CERKL: variants seen among roughly 807,000 people sequenced by gnomAD.
The protein encoded by CERKL is CERK like autophagy regulator.
CERKL carries 61 observed loss-of-function variants against 63.4 expected under a neutral mutation model. The observed-to-expected ratio is 0.96, with a 90% CI of 0.78 to 1.19. CERKL has a LOEUF of 1.19. Among genes scored for constraint, CERKL ranks in the 50% most tolerant of loss-of-function variants. CERKL has a pLI of 0.00. For synonymous variants in CERKL, 250 were observed against 230.5 expected, an observed-to-expected ratio of 1.08 and a Z score of -0.77; for missense variants, 675 against 655.5, an observed-to-expected ratio of 1.03 and a Z score of -0.33.
intron 1 of CERKL, among the ~76,000 whole-genome samples, chr2:181,644,328 G>A (rs778977793): frequency 6.6e-6 from 1 of 152,066 alleles, no homozygotes; most frequent in Middle Eastern, 3.2e-3. Flanking sequence ...CATTTCTTCA[G>A]GATTTTTCTC....
At chr2:181,624,867 G>A (rs1686615968) in intron 1 of CERKL, among the ~76,000 whole-genome samples, 5 of 152,154 alleles carry the variant, frequency 3.3e-5, no homozygotes. Flanking sequence ...GAGAAAATGT[G>A]GAGTTTGTTG....
intron 1 of CERKL, among the ~76,000 whole-genome samples, chr2:181,624,382 A>C (rs1160122188): frequency 2.6e-5 from 4 of 152,054 alleles, no homozygotes; most frequent in Admixed American, 6.6e-5. Context: ...TAAAAAAAAA[A>C]AAAAATTAGT....
chr2:181,614,653 C>A (rs1488862065), intron 1 of CERKL, among the ~76,000 whole-genome samples: 1 of 152,072 alleles, frequency 6.6e-6, no homozygotes, highest in Non-Finnish European at 1.5e-5. Flanking sequence ...TGTTATAGTA[C>A]AAGTTTCTGC....
At position 181,598,279 on chromosome 2, in the gene CERKL, C is replaced by T. The variant is rs76818285; in HGVS notation, c.481+5558G>A. On this transcript the variant is annotated intron_variant, in intron 2 of 12. Transcript: ENST00000410087. ...CCCTAGACTGGGGGAAGAGGCTCTG[C>T]CCCAAGACCATTTTGGTGGTTGCCT... Among the ~76,000 whole-genome samples, 1,061 of 152,250 alleles carry T rather than the reference C, an allele frequency of 7.0e-3. 16 individuals carry two copies. The highest frequency in any genetic ancestry group is 0.024 in the African/African-American group (1,008 of 41,536).
At chr2:181,562,239 C>G (rs1049551772) in intron 4 of CERKL, among the ~76,000 whole-genome samples, 5 of 152,148 alleles carry the variant, frequency 3.3e-5, no homozygotes, top group Non-Finnish European at 7.3e-5. Flanking sequence ...CTGTGAGCTC[C>G]CCTTCCCACC....
At chr2:181,573,479 C>T (rs1296890676) in intron 3 of CERKL, among the ~76,000 whole-genome samples, 4 of 152,160 alleles carry the variant, frequency 2.6e-5, no homozygotes, top group African/African-American at 9.6e-5. Context: ...AAGATGTAAA[C>T]AAGTATACAG....
At chr2:181,588,373 A>C (rs1377354721) in intron 2 of CERKL, among the ~76,000 whole-genome samples, 1 of 152,112 alleles carries the variant, frequency 6.6e-6, no homozygotes, top group African/African-American at 2.4e-5. Flanking sequence ...TGGCTGGCTT[A>C]TTACACTCAG....
chr2:181,621,238 TG>T (rs1202564905), intron 1 of CERKL, among the ~76,000 whole-genome samples: 1 of 152,180 alleles, frequency 6.6e-6, no homozygotes, highest in Non-Finnish European at 1.5e-5. Context: ...TATTTTCAGT[TG>T]GACTTACTCA....
At chr2:181,611,152 G>A (rs1685952769) in intron 1 of CERKL, among the ~76,000 whole-genome samples, 2 of 152,058 alleles carry the variant, frequency 1.3e-5, no homozygotes, top group Non-Finnish European at 2.9e-5. Context: ...GAACCCAGGA[G>A]GCGGAGGTTG....
rs1559063232 is a variant in CERKL at position 181,537,254 on chromosome 2, G to GTTCTT, written c.*925_*929dup. 2 of 453,722 alleles carry GTTCTT rather than the reference G, an allele frequency of 4.4e-6. No individual in the cohort carries two copies. The highest frequency in any genetic ancestry group is 8.8e-6 in the Non-Finnish European group (2 of 226,710). The allele number at this position is 453,722 out of a possible 1,614,324, so 28.1% of individuals were successfully genotyped here. A position where few individuals can be genotyped will look rare whatever the true frequency, so the allele number is the denominator to read the frequency against. On this transcript the variant is annotated 3_prime_UTR_variant, in exon 13 of 13. Coordinates refer to ENST00000410087, the MANE Select transcript of CERKL (RefSeq NM_201548.5). ...TGGTCTCTAAGGAAATTTACATTTG[G>GTTCTT]TTCTTTCCTACTCAGAACTACTCAG... is the stretch of plus-strand genomic sequence containing the variant.
At chr2:181,541,327 T>C (rs1011682828) in intron 11 of CERKL, among the ~76,000 whole-genome samples, 5 of 152,170 alleles carry the variant, frequency 3.3e-5, no homozygotes, top group African/African-American at 1.2e-4. Flanking sequence ...CCTGCTGACA[T>C]TGTCTTGCAG....
At chr2:181,638,384 A>G (rs1446599913) in intron 1 of CERKL, among the ~76,000 whole-genome samples, 2 of 152,216 alleles carry the variant, frequency 1.3e-5, no homozygotes, top group African/African-American at 2.4e-5. Flanking sequence ...TCCAGAAAGC[A>G]GGGAAGCTAT....
chr2:181,605,946 C>G (rs1685657897), intron 1 of CERKL, among the ~76,000 whole-genome samples: 1 of 151,552 alleles, frequency 6.6e-6, no homozygotes, highest in Non-Finnish European at 1.5e-5. Flanking sequence ...GCATTTTTGG[C>G]CTCTCCCAAC....
chr2:181,633,992 T>C (rs1178974741), intron 1 of CERKL, among the ~76,000 whole-genome samples: 1 of 152,178 alleles, frequency 6.6e-6, no homozygotes, highest in African/African-American at 2.4e-5. Context: ...ACTTAAGATT[T>C]TGGAACCTAA....
intron 1 of CERKL, among the ~76,000 whole-genome samples, chr2:181,625,028 TCCAA>T (rs1686623496): frequency 6.6e-6 from 1 of 151,930 alleles, no homozygotes; most frequent in Non-Finnish European, 1.5e-5. Flanking sequence ...CTAGAGAAGG[TCCAA>T]CCAGAGAAAA....
intron 2 of CERKL, among the ~76,000 whole-genome samples, chr2:181,577,141 C>A (rs1340209358): frequency 1.3e-5 from 2 of 152,108 alleles, no homozygotes; most frequent in Non-Finnish European, 2.9e-5. Flanking sequence ...TTTTGAGAAC[C>A]AACATTCTAG....
At chr2:181,538,328 C>A in intron 12 of CERKL, 84 bp from the exon 13 acceptor site, 1 of 759,450 alleles carries the variant, frequency 1.3e-6, no homozygotes. Flanking sequence ...ATGCCAATGC[C>A]AAATACAAAT....
chr2:181,578,476 T>G (rs931889838), intron 2 of CERKL, among the ~76,000 whole-genome samples: 1 of 151,986 alleles, frequency 6.6e-6, no homozygotes, highest in African/African-American at 2.4e-5. Context: ...ATTTTTATAT[T>G]TTTTCTAGAG....
intron 1 of CERKL, among the ~76,000 whole-genome samples, chr2:181,616,832 G>A (rs1483288492): frequency 6.6e-6 from 1 of 152,092 alleles, no homozygotes; most frequent in Admixed American, 6.5e-5. Context: ...ACATAGTCTT[G>A]TTTTATATAA....
Sources: allele counts gnomAD v4.1 joint callset (sites outside exome capture counted in the v4.1 genomes callset), GRCh38; gene constraint gnomAD v4.1.1; transcripts MANE v1.5; gene names NCBI Gene and HGNC (gene_info 2026-07-23, HGNC 2026-07-21).